The following ARMC7 variants were observed in gnomAD, a reference collection of about 807,000 sequenced individuals.
ARMC7 encodes the protein armadillo repeat-containing protein 7.
In ARMC7, 9 loss-of-function variants were observed where a neutral mutation model predicts 14.8. That is an observed-to-expected ratio of 0.61 (90% confidence interval 0.37 to 1.06). The LOEUF (loss-of-function observed/expected upper bound fraction) is 1.06, where lower values mean the gene tolerates loss of function less well. Ranked by LOEUF, ARMC7 falls within the 50% of genes least tolerant of loss-of-function variation. The pLI, the probability that ARMC7 is intolerant of heterozygous loss-of-function variation, is 0.01. For missense variants in ARMC7, 262 were observed against 267.1 expected, an observed-to-expected ratio of 0.98 and a Z score of 0.13; for synonymous variants, 125 against 123.4, an observed-to-expected ratio of 1.01 and a Z score of -0.09.
At chr17:75,110,422 C>A in intron 1 of ARMC7, 41 bp from the exon 2 acceptor site, 1 of 1,614,134 alleles carries the variant, frequency 6.2e-7, no homozygotes. Context: ...CCGCTGTGAC[C>A]GCCGCCCGGA....
intron 2 of ARMC7, among the ~76,000 whole-genome samples, chr17:75,128,408 G>A (rs1169735199): frequency 6.6e-6 from 1 of 150,694 alleles, no homozygotes. Flanking sequence ...TAAGAAAGGG[G>A]AAAAAAAAAG....
intron 2 of ARMC7, among the ~76,000 whole-genome samples, chr17:75,117,149 T>A (rs1288025643): frequency 2.6e-5 from 4 of 152,178 alleles, no homozygotes; most frequent in Admixed American, 6.6e-5. Flanking sequence ...CAATCTCGTC[T>A]CACTGCAACC....
chr17:75,110,727 C>T (rs1180962013), intron 2 of ARMC7, 121 bp downstream of exon 2: 43 of 1,348,178 alleles, frequency 3.2e-5, no homozygotes, highest in Non-Finnish European at 4.3e-5. Context: ...GTTTGGGAAG[C>T]TAAGGCGGGC....
chr17:75,123,731 T>C (rs1252392606), intron 2 of ARMC7, among the ~76,000 whole-genome samples: 1 of 151,900 alleles, frequency 6.6e-6, no homozygotes, highest in Non-Finnish European at 1.5e-5. Context: ...GCCAACATGG[T>C]GAAACCCCCA....
At chr17:75,112,063 A>G (rs539920293) in intron 2 of ARMC7, among the ~76,000 whole-genome samples, 2 of 148,414 alleles carry the variant, frequency 1.3e-5, no homozygotes, top group Non-Finnish European at 1.5e-5. Flanking sequence ...GGGTTACTTC[A>G]GTTTTGGCCA....
rs773669610 is a variant in ARMC7 at position 75,129,233 on chromosome 17, GAGA to G, written c.*199_*201del. On this transcript the variant is annotated 3_prime_UTR_variant, in exon 3 of 3. Transcript: ENST00000245543. ...GAGGAAGCCAGACTCCAGAGACACG[GAGA>G]AGATCAAACTGGAGCTGCGTTCATA... The G allele has an allele frequency of 5.3e-5, 41 of 772,298 alleles. No homozygotes were observed. The highest frequency in any genetic ancestry group is 7.6e-5 in the Non-Finnish European group (38 of 500,916). The allele number at this position is 772,298 out of a possible 1,614,324, so 47.8% of individuals were successfully genotyped here.
intron 2 of ARMC7, among the ~76,000 whole-genome samples, chr17:75,128,456 G>C (rs955647893): frequency 6.6e-6 from 1 of 152,196 alleles, no homozygotes; most frequent in Non-Finnish European, 1.5e-5. Context: ...GAGAGGGAAA[G>C]GGATTTGTGC....
intron 2 of ARMC7, among the ~76,000 whole-genome samples, chr17:75,113,644 C>T (rs930733476): frequency 1.3e-5 from 2 of 152,166 alleles, no homozygotes; most frequent in African/African-American, 2.4e-5. Context: ...CGTGAGCCAC[C>T]GCGCCCGGCA....
intron 2 of ARMC7, among the ~76,000 whole-genome samples, chr17:75,118,402 C>T (rs1380816322): frequency 6.6e-6 from 1 of 152,238 alleles, no homozygotes; most frequent in East Asian, 1.9e-4. Flanking sequence ...TTCCCATCAG[C>T]GGTGGCAGTG....
chr17:75,122,781 G>C (rs1227767720), intron 2 of ARMC7, among the ~76,000 whole-genome samples: 1 of 152,058 alleles, frequency 6.6e-6, no homozygotes, highest in Non-Finnish European at 1.5e-5. Context: ...CATTCTCACG[G>C]AGTTTATAGT....
At chr17:75,127,099 G>C (rs948224922) in intron 2 of ARMC7, among the ~76,000 whole-genome samples, 3 of 150,222 alleles carry the variant, frequency 2.0e-5, no homozygotes, top group African/African-American at 4.9e-5. Context: ...GCCATGCACA[G>C]TGGTGCATGC....
intron 2 of ARMC7, among the ~76,000 whole-genome samples, chr17:75,112,819 A>G (rs1188632378): frequency 1.3e-5 from 2 of 151,190 alleles, no homozygotes; most frequent in African/African-American, 2.4e-5. Flanking sequence ...CCTGGCCCCA[A>G]GAAATAAATC....
Position 75,128,693 on chromosome 17 carries a change from G to T in ARMC7, c.252G>T (p.Leu84=). The change falls in exon 3 of 3, where the codon CTG becomes CTT. Residue 84 remains leucine (L), a synonymous_variant. Transcript: ENST00000245543. ...CTCCCACAGGAGGCCTGTGCAACCT[G>T]TGCCCAGACAGGGCCAACAAGGAGC... ...VEFAIGGLCN[L]CPDRANKEHI... is the part of the protein sequence containing the mutation. 1 of 1,612,846 alleles carries T rather than the reference G, an allele frequency of 6.2e-7. No individual in the cohort carries two copies. Among genetic ancestry groups the T allele is most frequent in the South Asian group, 1.1e-5 (1 of 91,036 alleles).
chr17:75,129,413 A>G lies in ARMC7; in HGVS notation c.*375A>G. Reference sequence around the variant, plus strand: ...TTAGGAGAGCTGCCTTCGCTGCAGGAAATCAGGGATTATCCCTTAACAGAA... The same window carrying G: ...TTAGGAGAGCTGCCTTCGCTGCAGGGAATCAGGGATTATCCCTTAACAGAA... On this transcript the variant is annotated 3_prime_UTR_variant, in exon 3 of 3. Transcript: ENST00000245543. 1 of 265,014 alleles carries G rather than the reference A, an allele frequency of 3.8e-6. No homozygotes were observed. The highest frequency in any genetic ancestry group is 7.2e-6 in the Non-Finnish European group (1 of 139,684). 16.4% of individuals were successfully genotyped at this position (265,014 alleles called of 1,614,324 possible). A position where few individuals can be genotyped will look rare whatever the true frequency, so the allele number is the denominator to read the frequency against.
At chr17:75,114,738 C>T (rs2073961300) in intron 2 of ARMC7, 1 of 398,390 alleles carries the variant, frequency 2.5e-6, no homozygotes, top group South Asian at 1.3e-4. Flanking sequence ...GCAAGACCCC[C>T]CCGCCCCAAG....
rs971845302 is a variant in ARMC7, at chr17:75,129,117, C to T, written c.*79C>T. On this transcript the variant is annotated 3_prime_UTR_variant, in exon 3 of 3. Coordinates refer to ENST00000245543, the MANE Select transcript of ARMC7 (RefSeq NM_024585.4). ...ATGTGGACGCAGGGAACGGGGAGCA[C>T]ATACTGCCCCATTGGTGCCTTTTCA... is the stretch of plus-strand genomic sequence containing the variant. The T allele has an allele frequency of 1.7e-4, 254 of 1,492,274 alleles. No individual in the cohort carries two copies. The highest frequency in any genetic ancestry group is 2.2e-4 in the Non-Finnish European group (248 of 1,123,292). The allele number at this position is 1,492,274 out of a possible 1,614,324, so 92.4% of individuals were successfully genotyped here.
intron 1 of ARMC7, 25 bp downstream of exon 1, chr17:75,110,404 G>T (rs2145110301): frequency 1.2e-6 from 2 of 1,614,156 alleles, no homozygotes; most frequent in East Asian, 2.2e-5. Context: ...GGGATCAGGT[G>T]GCAGGGTCCG....
chr17:75,128,830 G>T lies in ARMC7; in HGVS notation c.389G>T (p.Arg130Leu). 6.2e-7 allele frequency: 1 copy of T among 1,613,132 alleles called. No individual in the cohort carries two copies. The highest frequency in any genetic ancestry group is 8.5e-7 in the Non-Finnish European group (1 of 1,179,998). The stretch of plus-strand genomic sequence containing the variant: ...CTCATGCACCTGAGCCCGCCGGGCC[G>T]CAGCTTTCTCCCAGAGCTGACCGCC... Reference protein sequence around the residue: ...TTLMHLSPPGRSFLPELTATP... With the variant: ...TTLMHLSPPGLSFLPELTATP... Residue 130 changes from arginine to leucine, a missense_variant, in exon 3 of 3, where the codon CGC becomes CTC. Physicochemically the swap from Arg to Leu is moderately radical, Grantham distance 102 (BLOSUM62 -2). Coordinates refer to ENST00000245543, the MANE Select transcript of ARMC7 (RefSeq NM_024585.4).
At chr17:75,127,049 A>C (rs1263475040) in intron 2 of ARMC7, among the ~76,000 whole-genome samples, 2 of 123,946 alleles carry the variant, frequency 1.6e-5, no homozygotes, top group African/African-American at 5.8e-5. Flanking sequence ...GCAACAGGGC[A>C]AAACTGTCTC....
Sources: gnomAD v4.1 joint callset for allele counts (sites outside exome capture counted in the v4.1 genomes callset) on GRCh38, gnomAD v4.1.1 for gene constraint, MANE v1.5 for transcripts, NCBI Gene and HGNC (gene_info 2026-07-23, HGNC 2026-07-21) for gene names.